Variants in CDYL2 observed in about 807,000 individuals in gnomAD.
The protein encoded by CDYL2 is chromodomain Y like 2.
Under a neutral mutation model 49.4 loss-of-function variants are expected in CDYL2, and 23 were observed. That is an observed-to-expected ratio of 0.47 (90% CI 0.34 to 0.66). The LOEUF (loss-of-function observed/expected upper bound fraction) is 0.66, where lower values mean the gene tolerates loss of function less well. Ranked by LOEUF, CDYL2 falls within the 30% of genes least tolerant of loss-of-function variation. The probability of loss-of-function intolerance (pLI) is 0.01; values close to 1 mark genes in which losing one functional copy is unlikely to be tolerated. For synonymous variants in CDYL2, 360 were observed against 268.8 expected, an observed-to-expected ratio of 1.34 and a Z score of -3.32; for missense variants, 678 against 656.4, an observed-to-expected ratio of 1.03 and a Z score of -0.36.
intron 4 of CDYL2, among the ~76,000 whole-genome samples, chr16:80,615,389 C>G (rs1906783954): frequency 6.6e-6 from 1 of 152,150 alleles, no homozygotes; most frequent in African/African-American, 2.4e-5. Flanking sequence ...TCATACAATT[C>G]CAGAGTCTTA....
rs1473720419 is a variant in CDYL2 at position 80,603,740 on chromosome 16, T to A, written c.*648A>T. ...GTTTTTGCAAAACTAGCTTTACATATAATACACATAAATTATCAGAATTTC... is the reference window on the plus strand; with the variant it reads ...GTTTTTGCAAAACTAGCTTTACATAAAATACACATAAATTATCAGAATTTC... On this transcript the variant is annotated 3_prime_UTR_variant, in exon 7 of 7. Transcript: ENST00000570137. 2.0e-5 allele frequency: 3 copies of A among 152,670 alleles called. No individual in the cohort carries two copies. The highest frequency in any genetic ancestry group is 4.4e-5 in the Non-Finnish European group (3 of 68,042). The allele number at this position is 152,670 out of a possible 1,614,324, so 9.5% of individuals were successfully genotyped here.
intron 1 of CDYL2, among the ~76,000 whole-genome samples, chr16:80,772,374 C>G (rs1017666354): frequency 1.4e-4 from 21 of 152,150 alleles, no homozygotes; most frequent in Non-Finnish European, 2.2e-4. Context: ...TCAAAAACAA[C>G]AGCACTTAAG....
chr16:80,703,914 C>G (rs987024379), intron 1 of CDYL2, among the ~76,000 whole-genome samples: 6 of 152,182 alleles, frequency 3.9e-5, no homozygotes, highest in African/African-American at 1.4e-4. Flanking sequence ...CCTTCTCTTG[C>G]CCAGCTGCGC....
chr16:80,665,789 G>C (rs1194649037), intron 2 of CDYL2, among the ~76,000 whole-genome samples: 2 of 152,102 alleles, frequency 1.3e-5, no homozygotes, highest in Non-Finnish European at 2.9e-5. Context: ...CAAGATGGCA[G>C]GTGAAAAACT....
chr16:80,643,954 G>C (rs1198833521), intron 2 of CDYL2, among the ~76,000 whole-genome samples: 2 of 152,158 alleles, frequency 1.3e-5, no homozygotes, highest in African/African-American at 4.8e-5. Flanking sequence ...GTCTGAAGTT[G>C]GCTTGAATTT....
chr16:80,611,506 G>C (rs1024706641), intron 5 of CDYL2, among the ~76,000 whole-genome samples: 1 of 152,116 alleles, frequency 6.6e-6, no homozygotes, highest in Non-Finnish European at 1.5e-5. Flanking sequence ...TGCCTCCAAC[G>C]CCTACTCGGA....
chr16:80,653,991 C>T (rs1908697262), intron 2 of CDYL2, among the ~76,000 whole-genome samples: 1 of 152,170 alleles, frequency 6.6e-6, no homozygotes, highest in African/African-American at 2.4e-5. Context: ...CATGGGGCTG[C>T]CCCATGCTTG....
In CDYL2 at chr16:80,620,950, G is replaced by T. The variant is rs772045691; in HGVS notation, c.835-15C>A. The T allele has an allele frequency of 1.3e-5, 21 of 1,580,452 alleles. No individual in the cohort carries two copies. The highest frequency in any genetic ancestry group is 1.8e-5 in the Non-Finnish European group (21 of 1,158,770). ...TCTTTCATGATCTGCCGGCAGAGAT[G>T]AATTTGCAGGGATGTTAAGTGTCTA... On this transcript the variant is annotated splice_polypyrimidine_tract_variant and intron_variant, in intron 3 of 6. Coordinates refer to ENST00000570137, the MANE Select transcript of CDYL2 (RefSeq NM_152342.4).
chr16:80,618,228 C>A (rs1261622582), intron 4 of CDYL2, among the ~76,000 whole-genome samples: 1 of 152,244 alleles, frequency 6.6e-6, no homozygotes, highest in East Asian at 1.9e-4. Context: ...AGTCATGTTT[C>A]CCCAGAACTA....
Position 80,614,871 on chromosome 16 carries a change from A to AAAAG in CDYL2, c.1008-2036_1008-2035insCTTT, listed in dbSNP as rs1467833337. ...AGAGTGAGACTCTGTCTCAGGGAGA[A>AAAAG]AAAAAAAAAAAAAAAAAAAAGTTGA... On this transcript the variant is annotated intron_variant, in intron 4 of 6. Coordinates refer to ENST00000570137, the MANE Select transcript of CDYL2 (RefSeq NM_152342.4). 4.9e-5 allele frequency among the ~76,000 whole-genome samples: 5 copies of AAAAG among 102,388 alleles called. No individual in the cohort carries two copies. In the African/African-American group the frequency reaches 8.0e-4, roughly 16 times the overall value. The allele number at this position is 102,388 out of a possible 152,430, so 67.2% of individuals were successfully genotyped here.
intron 1 of CDYL2, among the ~76,000 whole-genome samples, chr16:80,750,465 A>T (rs1050774167): frequency 6.6e-6 from 1 of 151,966 alleles, no homozygotes; most frequent in Non-Finnish European, 1.5e-5. Flanking sequence ...GAAATAAAAA[A>T]CTTAAAAACA....
intron 3 of CDYL2, among the ~76,000 whole-genome samples, chr16:80,624,794 T>C (rs1313335992): frequency 6.6e-6 from 1 of 151,852 alleles, no homozygotes; most frequent in Non-Finnish European, 1.5e-5. Context: ...CTTCTGGAAA[T>C]GAAAAACAAA....
At chr16:80,804,101 C>G in intron 1 of CDYL2, 49 bp downstream of exon 1, 2 of 1,005,654 alleles carry the variant, frequency 2.0e-6, no homozygotes, top group Non-Finnish European at 2.4e-6. Context: ...CGCCGCCGCC[C>G]GCCGCCGCCC....
intron 1 of CDYL2, among the ~76,000 whole-genome samples, chr16:80,719,744 G>A (rs954669234): frequency 8.5e-5 from 13 of 152,134 alleles, no homozygotes; most frequent in Non-Finnish European, 1.9e-4. Context: ...GGAGGCTGTC[G>A]CCACCAAGCT....
At chr16:80,776,019 G>A (rs150360832) in intron 1 of CDYL2, among the ~76,000 whole-genome samples, 3 of 151,874 alleles carry the variant, frequency 2.0e-5, no homozygotes, top group African/African-American at 7.2e-5. Flanking sequence ...TGGTCATAAT[G>A]CATAAAAACT....
chr16:80,692,505 C>T (rs1910457068), intron 1 of CDYL2, among the ~76,000 whole-genome samples: 2 of 152,130 alleles, frequency 1.3e-5, no homozygotes. Context: ...CAATTTTAAA[C>T]CTAAATTTTT....
intron 3 of CDYL2, among the ~76,000 whole-genome samples, chr16:80,625,551 C>A (rs922775290): frequency 2.6e-5 from 4 of 152,156 alleles, no homozygotes; most frequent in Non-Finnish European, 5.9e-5. Flanking sequence ...ACATGAACAT[C>A]TTGGGGAGAG....
intron 1 of CDYL2, among the ~76,000 whole-genome samples, chr16:80,742,838 T>G: frequency 7.0e-6 from 1 of 142,848 alleles, no homozygotes; most frequent in African/African-American, 2.6e-5. Context: ...GGTGGTTGAG[T>G]GGATAAATGA....
At chr16:80,626,609 A>G (rs954120947) in intron 3 of CDYL2, among the ~76,000 whole-genome samples, 1 of 152,230 alleles carries the variant, frequency 6.6e-6, no homozygotes, top group Non-Finnish European at 1.5e-5. Flanking sequence ...GATTGTTAAA[A>G]CAAGAGCAGA....
Sources: gnomAD v4.1 joint callset for allele counts (sites outside exome capture counted in the v4.1 genomes callset) on GRCh38, gnomAD v4.1.1 for gene constraint, MANE v1.5 for transcripts, NCBI Gene and HGNC (gene_info 2026-07-23, HGNC 2026-07-21) for gene names.